The following SLC6A11 variants were observed in gnomAD, a reference collection of about 807,000 sequenced individuals.
The protein encoded by SLC6A11 is solute carrier family 6 member 11, also known as sodium- and chloride-dependent GABA transporter 3.
In SLC6A11, 25 loss-of-function variants were observed where a neutral mutation model predicts 74.8. The ratio of observed to expected loss-of-function variants is 0.33; its 90% confidence interval spans 0.24 to 0.47. The LOEUF (loss-of-function observed/expected upper bound fraction) is 0.47. Ranked by LOEUF, SLC6A11 falls within the 20% of genes least tolerant of loss-of-function variation. The pLI is 1.00. For missense variants in SLC6A11, 574 were observed against 837.0 expected, an observed-to-expected ratio of 0.69 and a Z score of 3.88; for synonymous variants, 330 against 330.2, an observed-to-expected ratio of 1.00 and a Z score of 0.01.
chr3:10,878,463 G>T (rs1429278159), intron 6 of SLC6A11, among the ~76,000 whole-genome samples: 1 of 147,820 alleles, frequency 6.8e-6, no homozygotes, highest in African/African-American at 2.5e-5. Context: ...GGAGTGCAGT[G>T]GTGTGATCTC....
Position 10,819,060 on chromosome 3 carries a change from G to T in SLC6A11, c.257-405G>T, listed in dbSNP as rs1282396809. Among the ~76,000 whole-genome samples the T allele has an allele frequency of 2.6e-5, 4 of 152,274 alleles. No homozygotes were observed. The East Asian group carries it at 7.7e-4, about 29-fold the overall frequency. On this transcript the variant is annotated intron_variant, in intron 1 of 13. Coordinates refer to ENST00000254488, the MANE Select transcript of SLC6A11 (RefSeq NM_014229.3). ...TAAAAGGAAGGGGTGCCCCTCACCT[G>T]GTCTGTTGAGGTCACTTTAAAATGA...
chr3:10,830,666 A>G (rs1694283079), intron 4 of SLC6A11, among the ~76,000 whole-genome samples: 1 of 152,136 alleles, frequency 6.6e-6, no homozygotes, highest in African/African-American at 2.4e-5. Flanking sequence ...TGAGGGAGCA[A>G]GCCATGTGGA....
intron 4 of SLC6A11, among the ~76,000 whole-genome samples, chr3:10,829,302 G>A (rs1007251937): frequency 1.3e-5 from 2 of 152,172 alleles, no homozygotes; most frequent in Admixed American, 6.5e-5. Context: ...GCCTGTGTTA[G>A]TTCTGGCTAC....
chr3:10,875,572 T>C (rs1559567915), intron 6 of SLC6A11, among the ~76,000 whole-genome samples: 1 of 152,272 alleles, frequency 6.6e-6, no homozygotes, highest in Non-Finnish European at 1.5e-5. Flanking sequence ...CACAGATCTC[T>C]GCAGTAGTGC....
chr3:10,882,561 A>C (rs181354618), intron 6 of SLC6A11, among the ~76,000 whole-genome samples: 2 of 152,222 alleles, frequency 1.3e-5, no homozygotes, highest in African/African-American at 4.8e-5. Flanking sequence ...AGTCCCTGCA[A>C]CACAGGAAGG....
At chr3:10,874,831 C>G (rs182791016) in intron 5 of SLC6A11, 130 bp from the exon 6 acceptor site, 2 of 839,816 alleles carry the variant, frequency 2.4e-6, no homozygotes, top group Admixed American at 2.4e-5. Context: ...TCTATACACG[C>G]GGGGGAATGC....
chr3:10,882,977 G>C (rs1260786910), intron 6 of SLC6A11, among the ~76,000 whole-genome samples: 2 of 152,148 alleles, frequency 1.3e-5, no homozygotes, highest in Non-Finnish European at 2.9e-5. Flanking sequence ...TGGAACACCG[G>C]TGGCAGTCCT....
chr3:10,933,938 G>T, intron 11 of SLC6A11, 128 bp from the exon 12 acceptor site: 1 of 651,916 alleles, frequency 1.5e-6, no homozygotes, highest in Non-Finnish European at 2.8e-6. Flanking sequence ...TGTTTAAGCA[G>T]TACAAAGATT....
Position 10,939,036 on chromosome 3 carries a change from G to T in SLC6A11, c.*634G>T. The T allele has an allele frequency of 6.6e-6, 1 of 152,260 alleles. No homozygotes were observed. The highest frequency in any genetic ancestry group is 1.5e-5 in the Non-Finnish European group (1 of 68,138). 9.4% of individuals were successfully genotyped at this position (152,260 alleles called of 1,614,324 possible). On this transcript the variant is annotated 3_prime_UTR_variant, in exon 14 of 14. Transcript: ENST00000254488. The stretch of plus-strand genomic sequence containing the variant: ...CCTCAGTTTCCCCATCTCCCAAATG[G>T]GAGGAGGAGCCGGATTGGGTTATTT...
rs1694526629 is a variant in SLC6A11 at position 10,848,067 on chromosome 3, A to G, written c.756+3721A>G. On this transcript the variant is annotated intron_variant, in intron 5 of 13. Coordinates refer to ENST00000254488, the MANE Select transcript of SLC6A11 (RefSeq NM_014229.3). ...TACTCAAGCCTCAGCACAAATTTCCATTTATAATAAATGTTCGTTAATTCA... is the reference window on the plus strand; with the variant it reads ...TACTCAAGCCTCAGCACAAATTTCCGTTTATAATAAATGTTCGTTAATTCA... Among the ~76,000 whole-genome samples, 3 of 152,112 alleles carry G rather than the reference A, an allele frequency of 2.0e-5. No homozygotes were observed. The South Asian group carries it at 6.2e-4, about 32-fold the overall frequency.
intron 4 of SLC6A11, among the ~76,000 whole-genome samples, chr3:10,836,153 T>C (rs1694364308): frequency 6.6e-6 from 1 of 152,240 alleles, no homozygotes; most frequent in African/African-American, 2.4e-5. Flanking sequence ...TCATGTAGCA[T>C]AACACTTTTA....
At chr3:10,823,418 T>C in intron 4 of SLC6A11, 26 bp downstream of exon 4, 2 of 1,491,842 alleles carry the variant, frequency 1.3e-6, no homozygotes, top group Non-Finnish European at 1.9e-6. Flanking sequence ...CTTGTCTCCC[T>C]TGGCCTGTGG....
intron 6 of SLC6A11, among the ~76,000 whole-genome samples, chr3:10,910,763 CTCCTCAGCT>C (rs1203290403): frequency 6.6e-6 from 1 of 151,834 alleles, no homozygotes; most frequent in Non-Finnish European, 1.5e-5. Context: ...GTTCCTCAGT[CTCCTCAGCT>C]GTAAGAGGGG....
intron 6 of SLC6A11, among the ~76,000 whole-genome samples, chr3:10,910,994 G>A (rs1194375558): frequency 1.3e-5 from 2 of 151,900 alleles, no homozygotes; most frequent in Non-Finnish European, 1.5e-5. Context: ...GCTAATTTTT[G>A]TATTTTTAGT....
chr3:10,859,154 G>C (rs1026799522), intron 5 of SLC6A11, among the ~76,000 whole-genome samples: 1 of 152,250 alleles, frequency 6.6e-6, no homozygotes, highest in African/African-American at 2.4e-5. Flanking sequence ...AGGGGGCTGA[G>C]ACCAGAACAC....
intron 6 of SLC6A11, among the ~76,000 whole-genome samples, chr3:10,905,404 T>C (rs1394165756): frequency 6.6e-6 from 1 of 152,208 alleles, no homozygotes; most frequent in African/African-American, 2.4e-5. Context: ...GAAGCTTGTG[T>C]TGAGAGGTGG....
intron 5 of SLC6A11, among the ~76,000 whole-genome samples, chr3:10,869,728 G>A (rs1694807183): frequency 6.6e-6 from 1 of 152,224 alleles, no homozygotes; most frequent in African/African-American, 2.4e-5. Flanking sequence ...AACCTTGAAT[G>A]CGAGGCTGAG....
intron 6 of SLC6A11, among the ~76,000 whole-genome samples, chr3:10,889,098 T>G (rs1695078483): frequency 6.6e-6 from 1 of 152,094 alleles, no homozygotes; most frequent in South Asian, 2.1e-4. Context: ...TTTTTTAGAT[T>G]AATAGATTTT....
intron 4 of SLC6A11, chr3:10,825,005 G>A (rs1044236152): frequency 1.3e-5 from 2 of 152,140 alleles, no homozygotes; most frequent in Non-Finnish European, 2.9e-5. Context: ...CCAACATGGT[G>A]AAACCCTGTC....
Sources: gnomAD v4.1 joint callset for allele counts (sites outside exome capture counted in the v4.1 genomes callset) on GRCh38, gnomAD v4.1.1 for gene constraint, MANE v1.5 for transcripts, NCBI Gene and HGNC (gene_info 2026-07-23, HGNC 2026-07-21) for gene names.